NEMF: variants seen among roughly 807,000 people sequenced by gnomAD.
The protein encoded by NEMF is nuclear export mediator factor, also known as ribosome quality control complex subunit NEMF.
Under a neutral mutation model 162.2 loss-of-function variants are expected in NEMF, and 89 were observed. The observed-to-expected ratio is 0.55, with a 90% CI of 0.46 to 0.65. NEMF has a LOEUF of 0.65. Ranked by LOEUF, NEMF falls within the 30% of genes least tolerant of loss-of-function variation. The pLI is 0.00. For missense variants in NEMF, 1,133 were observed against 1,261.9 expected (o/e 0.90, Z 1.55); for synonymous variants, 421 against 404.5 (o/e 1.04, Z -0.49).
chr14:49,843,580 T>C (rs1893320940), intron 4 of NEMF, among the ~76,000 whole-genome samples: 1 of 152,264 alleles, frequency 6.6e-6, no homozygotes, highest in Admixed American at 6.5e-5. Flanking sequence ...GAAATGCATT[T>C]AGGCAACTTC....
intron 18 of NEMF, 78 bp downstream of exon 18, chr14:49,813,910 T>G (rs1398421951): frequency 1.2e-6 from 1 of 853,060 alleles, no homozygotes; most frequent in Non-Finnish European, 2.0e-6. Flanking sequence ...GGCCCTCTAT[T>G]AAATTTTTGT....
chr14:49,808,495 A>C (rs921412601), intron 18 of NEMF, among the ~76,000 whole-genome samples: 1 of 152,054 alleles, frequency 6.6e-6, no homozygotes, highest in Non-Finnish European at 1.5e-5. Context: ...TTTTAATTTT[A>C]TGTCTAACTT....
At chr14:49,844,196 G>A (rs534352765) in intron 4 of NEMF, among the ~76,000 whole-genome samples, 1 of 152,058 alleles carries the variant, frequency 6.6e-6, no homozygotes, top group Non-Finnish European at 1.5e-5. Flanking sequence ...CCATGGATGG[G>A]GGGTGCAGGG....
intron 26 of NEMF, among the ~76,000 whole-genome samples, chr14:49,791,360 A>G (rs2139831457): frequency 6.6e-6 from 1 of 152,258 alleles, no homozygotes; most frequent in South Asian, 2.1e-4. Flanking sequence ...ACTGGCAAGC[A>G]AGCATGAGCC....
intron 26 of NEMF, among the ~76,000 whole-genome samples, chr14:49,791,190 CTGGGTG>C (rs1890428886): frequency 6.6e-6 from 1 of 151,328 alleles, no homozygotes; most frequent in Non-Finnish European, 1.5e-5. Context: ...CAAAAATTAG[CTGGGTG>C]TGGTGGCGTG....
At chr14:49,813,933 C>T in intron 18 of NEMF, 55 bp downstream of exon 18, 1 of 1,090,930 alleles carries the variant, frequency 9.2e-7, no homozygotes, top group Admixed American at 1.8e-5. Context: ...TACAGTCACA[C>T]TAAAAATATT....
intron 17 of NEMF, among the ~76,000 whole-genome samples, chr14:49,814,464 T>C (rs1206095527): frequency 6.6e-6 from 1 of 152,220 alleles, no homozygotes; most frequent in African/African-American, 2.4e-5. Context: ...AGTAAGCTTT[T>C]AAAAATTTGA....
At position 49,802,551 on chromosome 14, in the gene NEMF, C is replaced by A; in HGVS notation, c.1997G>T (p.Arg666Ile). ...TCTGACTTTTCGTTCACCCTGATGT[C>A]TCCAAACACAAGACTCATCTACCTA... ...LFKVDESCVWRHQGERKVRVQ... is the reference protein window; with the variant it reads ...LFKVDESCVWIHQGERKVRVQ... The change falls in exon 22 of 33, where the codon AGA becomes ATA. Residue 666 changes from arginine to isoleucine, a missense_variant. This residue lies in a region of NEMF where 532 missense variants were observed against 578.6 expected (regional missense o/e 0.92). Transcript: ENST00000298310. 6.2e-7 allele frequency: 1 copy of A among 1,613,936 alleles called. No homozygotes were observed. Among genetic ancestry groups the A allele is most frequent in the Non-Finnish European group, 8.5e-7 (1 of 1,179,950 alleles).
intron 19 of NEMF, among the ~76,000 whole-genome samples, chr14:49,803,657 C>T (rs1891055268): frequency 6.6e-6 from 1 of 152,070 alleles, no homozygotes; most frequent in Non-Finnish European, 1.5e-5. Flanking sequence ...TCCTGAGTAG[C>T]TGGGACTACA....
chr14:49,809,649 C>T (rs1426972629), intron 18 of NEMF, among the ~76,000 whole-genome samples: 2 of 151,320 alleles, frequency 1.3e-5, no homozygotes, highest in African/African-American at 4.9e-5. Flanking sequence ...GAACACTTGT[C>T]AGGAGTTCGA....
chr14:49,790,497 C>A, intron 26 of NEMF, among the ~76,000 whole-genome samples: 1 of 152,074 alleles, frequency 6.6e-6, no homozygotes, highest in African/African-American at 2.4e-5. Flanking sequence ...ACTTAAATGA[C>A]TGAAAAAAGA....
intron 16 of NEMF, among the ~76,000 whole-genome samples, chr14:49,824,773 A>G (rs1892257073): frequency 6.6e-6 from 1 of 152,156 alleles, no homozygotes; most frequent in Non-Finnish European, 1.5e-5. Context: ...TGGAGACCTC[A>G]AAAACTCTGC....
chr14:49,797,905 C>T (rs1890766274), intron 25 of NEMF, among the ~76,000 whole-genome samples: 1 of 152,174 alleles, frequency 6.6e-6, no homozygotes, highest in African/African-American at 2.4e-5. Flanking sequence ...TTTACATGTT[C>T]TCCCCATGTC....
At chr14:49,832,301 C>A in intron 8 of NEMF, 24 bp from the exon 9 acceptor site, 7 of 1,390,244 alleles carry the variant, frequency 5.0e-6, no homozygotes, top group South Asian at 1.2e-5. Flanking sequence ...ACATTAAAAT[C>A]ATTCCTATTC....
chr14:49,821,917 G>C (rs1892082313), intron 16 of NEMF, among the ~76,000 whole-genome samples: 2 of 152,132 alleles, frequency 1.3e-5, no homozygotes, highest in Non-Finnish European at 2.9e-5. Context: ...TGCTGTGTCT[G>C]TGTAGAAAGT....
rs1321820078 is a variant in NEMF, at chr14:49,814,817, G to A, written c.1618C>T (p.Leu540=). ...TGCTGATCTCGTCCACCTATAATTA[G>A]ATAGTTCTCTGAGCTAATGAACCAC... ...FLWFISSENY[L]IIGGRDQQQN... Residue 540 remains leucine (L), a synonymous_variant, in exon 17 of 33, where the codon CTA becomes TTA. Coordinates refer to ENST00000298310, the MANE Select transcript of NEMF (RefSeq NM_004713.6). The A allele has an allele frequency of 1.3e-6, 2 of 1,592,938 alleles. No homozygotes were observed. Among genetic ancestry groups the A allele is most frequent in the Non-Finnish European group, 1.7e-6 (2 of 1,172,500 alleles).
intron 3 of NEMF, among the ~76,000 whole-genome samples, chr14:49,847,429 C>T (rs771180857): frequency 2.6e-5 from 4 of 151,530 alleles, no homozygotes; most frequent in Non-Finnish European, 2.9e-5. Flanking sequence ...GTCTCGAACT[C>T]CTGAGCTCAG....
chr14:49,802,810 G>A, intron 20 of NEMF, 83 bp from the exon 21 acceptor site: 1 of 925,824 alleles, frequency 1.1e-6, no homozygotes, highest in Non-Finnish European at 1.7e-6. Flanking sequence ...ATTAGTGTCA[G>A]ATGACACTAA....
At position 49,840,724 on chromosome 14, in the gene NEMF, A is replaced by G. The variant is rs918691343; in HGVS notation, c.500T>C (p.Leu167Ser). 1 of 1,610,550 alleles carries G rather than the reference A, an allele frequency of 6.2e-7. No homozygotes were observed. The highest frequency in any genetic ancestry group is 8.5e-7 in the Non-Finnish European group (1 of 1,179,110). Residue 167 changes from leucine to serine, a missense_variant, in exon 5 of 33, where the codon TTG (leucine) becomes TCG (serine). By Grantham distance (145) the Leu-to-Ser change is moderately radical (BLOSUM62 -2). Transcript: ENST00000298310. Reference sequence around the variant, plus strand: ...TAAAAACAAAACACTTTACCTTTCCAAAGTAAGCAAAGGTTCAGCAGCTCT... The same window carrying G: ...TAAAAACAAAACACTTTACCTTTCCGAAGTAAGCAAAGGTTCAGCAGCTCT... ...HARAAEPLLT[L>S]ERLTEIVASA...
Sources: gnomAD v4.1 joint callset for allele counts (sites outside exome capture counted in the v4.1 genomes callset) on GRCh38, gnomAD v4.1.1 for gene constraint, gnomAD v4.1.1 regional missense constraint, MANE v1.5 for transcripts, NCBI Gene and HGNC (gene_info 2026-07-23, HGNC 2026-07-21) for gene names.